Variants in SNX29 observed in about 807,000 individuals in gnomAD.
The protein encoded by SNX29 is sorting nexin-29.
A neutral mutation model predicts 102.1 loss-of-function variants in SNX29; 78 were observed. The ratio of observed to expected loss-of-function variants is 0.76; its 90% confidence interval spans 0.64 to 0.92. SNX29 has a LOEUF of 0.92. SNX29 is among the 40% of genes least tolerant of loss of function. SNX29 has a pLI of 0.00. For missense variants in SNX29, 1,280 were observed against 1,061.7 expected, an observed-to-expected ratio of 1.21 and a Z score of -2.86; for synonymous variants, 580 against 414.5, an observed-to-expected ratio of 1.40 and a Z score of -4.85.
chr16:12,527,326 G>A (rs748830885), intron 20 of SNX29: 29 of 529,386 alleles, frequency 5.5e-5, no homozygotes, highest in Non-Finnish European at 1.0e-4. Context: ...TGTCTCAGCT[G>A]GAAAGCTGAG....
chr16:12,148,829 C>G (rs1472026318), intron 13 of SNX29, among the ~76,000 whole-genome samples: 2 of 152,136 alleles, frequency 1.3e-5, no homozygotes, highest in Non-Finnish European at 2.9e-5. Flanking sequence ...TCCTGAGTAG[C>G]TGGGATTACA....
intron 18 of SNX29, among the ~76,000 whole-genome samples, chr16:12,468,734 G>T (rs1394329560): frequency 2.0e-5 from 3 of 152,206 alleles, no homozygotes; most frequent in African/African-American, 7.2e-5. Flanking sequence ...CCACCTGGTG[G>T]TGACTGAGGA....
At chr16:12,060,441 C>T (rs913773319) in intron 8 of SNX29, among the ~76,000 whole-genome samples, 2 of 152,030 alleles carry the variant, frequency 1.3e-5, no homozygotes, top group Admixed American at 1.3e-4. Context: ...AAAAACAAAA[C>T]AAAACAAAAA....
intron 15 of SNX29, among the ~76,000 whole-genome samples, chr16:12,312,393 A>G (rs948004934): frequency 6.6e-6 from 1 of 152,226 alleles, no homozygotes; most frequent in African/African-American, 2.4e-5. Context: ...ACTGCACTGT[A>G]GAGACTTTAC....
chr16:12,555,308 T>G (rs2078262790), intron 20 of SNX29, among the ~76,000 whole-genome samples: 2 of 151,262 alleles, frequency 1.3e-5, no homozygotes, highest in Admixed American at 6.6e-5. Context: ...AGTCAATCCC[T>G]CTCATAGCCC....
chr16:12,078,451 A>G (rs901744393), intron 10 of SNX29, among the ~76,000 whole-genome samples: 2 of 149,840 alleles, frequency 1.3e-5, no homozygotes, highest in Non-Finnish European at 2.9e-5. Context: ...AGAAAAGTGG[A>G]AAAAAAAATG....
intron 4 of SNX29, among the ~76,000 whole-genome samples, chr16:12,035,828 T>C (rs2030455349): frequency 6.6e-6 from 1 of 152,180 alleles, no homozygotes; most frequent in Non-Finnish European, 1.5e-5. Flanking sequence ...CTTTCTCTGC[T>C]CCCTTGTGAT....
chr16:12,304,957 G>A (rs2080293657), intron 15 of SNX29, among the ~76,000 whole-genome samples: 1 of 152,128 alleles, frequency 6.6e-6, no homozygotes, highest in Non-Finnish European at 1.5e-5. Context: ...CCAAGAATGA[G>A]AATATAATTA....
intron 3 of SNX29, among the ~76,000 whole-genome samples, chr16:12,018,518 G>A (rs935947364): frequency 6.6e-6 from 1 of 151,502 alleles, no homozygotes; most frequent in African/African-American, 2.4e-5. Flanking sequence ...GGGAGGCGCA[G>A]GTTGCAGTGA....
intron 11 of SNX29, among the ~76,000 whole-genome samples, chr16:12,102,139 G>A (rs1327497896): frequency 2.0e-5 from 3 of 152,170 alleles, no homozygotes; most frequent in Admixed American, 1.3e-4. Context: ...GTGTATATGT[G>A]CCGCATTTTC....
intron 14 of SNX29, among the ~76,000 whole-genome samples, chr16:12,219,584 G>C (rs1484191046): frequency 6.6e-6 from 1 of 152,214 alleles, no homozygotes; most frequent in Non-Finnish European, 1.5e-5. Context: ...ACTTAAGTTT[G>C]ATGTTCTTGT....
chr16:12,445,386 A>G (rs1483283065), intron 18 of SNX29, among the ~76,000 whole-genome samples: 1 of 152,116 alleles, frequency 6.6e-6, no homozygotes, highest in Non-Finnish European at 1.5e-5. Flanking sequence ...GCCGTCCTCC[A>G]TTCTACGCTG....
At chr16:12,444,783 CA>C (rs1002840558) in intron 18 of SNX29, among the ~76,000 whole-genome samples, 31 of 152,010 alleles carry the variant, frequency 2.0e-4, no homozygotes, top group African/African-American at 7.0e-4. Flanking sequence ...TCCTCTAGAT[CA>C]GGGGTGAGCA....
intron 16 of SNX29, among the ~76,000 whole-genome samples, chr16:12,384,600 G>A (rs2083284566): frequency 6.6e-6 from 1 of 152,120 alleles, no homozygotes; most frequent in Admixed American, 6.5e-5. Flanking sequence ...TTGAGTTTCT[G>A]ATATAGTCTG....
At chr16:12,407,174 CG>C (rs202161897) in intron 18 of SNX29, among the ~76,000 whole-genome samples, 2 of 112,018 alleles carry the variant, frequency 1.8e-5, no homozygotes, top group Non-Finnish European at 4.4e-5. Context: ...GAAGGGCCCC[CG>C]CTTTTTCAGC....
At chr16:12,420,304 T>C (rs966933405) in intron 18 of SNX29, among the ~76,000 whole-genome samples, 6 of 152,254 alleles carry the variant, frequency 3.9e-5, no homozygotes, top group East Asian at 3.8e-4. Flanking sequence ...TTATTTCCAA[T>C]ATTTCACAGA....
chr16:12,499,461 T>C lies in SNX29; in HGVS notation c.2178+21602T>C, dbSNP rs1269837427. ...AGGCAAGTGGTAAAATGAAGGCGTC[T>C]TGGGGATCCTCCCTTAGTCTGTGCT... is the stretch of plus-strand genomic sequence containing the variant. On this transcript the variant is annotated intron_variant, in intron 19 of 20. Coordinates refer to ENST00000566228, the MANE Select transcript of SNX29 (RefSeq NM_032167.5). Among the ~76,000 whole-genome samples, 4 of 152,212 alleles carry C rather than the reference T, an allele frequency of 2.6e-5. No homozygotes were observed. In the East Asian group the frequency reaches 7.7e-4, roughly 29 times the overall value.
intron 9 of SNX29, among the ~76,000 whole-genome samples, chr16:12,065,371 G>C (rs1475669257): frequency 6.6e-6 from 1 of 152,168 alleles, no homozygotes; most frequent in African/African-American, 2.4e-5. Flanking sequence ...TAGTAAACGG[G>C]TGAAAAATCA....
intron 13 of SNX29, among the ~76,000 whole-genome samples, chr16:12,133,480 G>A (rs2054550338): frequency 6.6e-6 from 1 of 151,482 alleles, no homozygotes. Context: ...TTGTACAGAC[G>A]GGGTTTTGCC....
Sources: allele counts gnomAD v4.1 joint callset (sites outside exome capture counted in the v4.1 genomes callset), GRCh38; gene constraint gnomAD v4.1.1; transcripts MANE v1.5; gene names NCBI Gene and HGNC (gene_info 2026-07-23, HGNC 2026-07-21).